Variants in ZNF814 observed in about 807,000 individuals in gnomAD.
ZNF814 encodes the protein zinc finger protein 814.
ZNF814 carries 5 observed loss-of-function variants against 7.5 expected under a neutral mutation model. The ratio of observed to expected loss-of-function variants is 0.67; its 90% confidence interval spans 0.35 to 1.40. The LOEUF is 1.40. Ranked by LOEUF, ZNF814 falls within the 40% of genes most tolerant of loss-of-function variation. The pLI, the probability that ZNF814 is intolerant of heterozygous loss-of-function variation, is 0.04. For synonymous variants in ZNF814, 315 were observed against 340.7 expected, an observed-to-expected ratio of 0.92 and a Z score of 0.83; for missense variants, 962 against 1,018.0, an observed-to-expected ratio of 0.94 and a Z score of 0.75.
the ZNF814 span, among the ~76,000 whole-genome samples, chr19:57,897,477 A>T: frequency 6.6e-6 from 1 of 152,234 alleles, no homozygotes; most frequent in Non-Finnish European, 1.5e-5. Context: ...CGGTATAAGA[A>T]AGGCAATCCC....
intron 1 of ZNF814, among the ~76,000 whole-genome samples, chr19:57,885,522 C>T (rs967740209): frequency 2.0e-5 from 3 of 150,050 alleles, no homozygotes; most frequent in African/African-American, 7.4e-5. Flanking sequence ...CCCAGCTACT[C>T]CAGAGGCTGA....
the ZNF814 span, among the ~76,000 whole-genome samples, chr19:57,897,399 T>C: frequency 6.6e-6 from 1 of 152,062 alleles, no homozygotes; most frequent in African/African-American, 2.4e-5. Flanking sequence ...AAAAAAGGAA[T>C]GTAGAAAAGG....
intron 1 of ZNF814, among the ~76,000 whole-genome samples, chr19:57,887,085 G>A (rs1308368145): frequency 6.6e-6 from 1 of 152,048 alleles, no homozygotes; most frequent in Non-Finnish European, 1.5e-5. Context: ...GCTACTGGGA[G>A]GCTGAGGCAG....
rs763544267 is a variant in ZNF814 at position 57,874,170 on chromosome 19, T to C, written c.1220A>G (p.His407Arg). Reference protein sequence around the residue: ...NHQRVHTDKKHYECGECGKSF... With the variant: ...NHQRVHTDKKRYECGECGKSF... ...TTTCCCACATTCTCCACATTCATAA[T>C]GTTTTTTGTCAGTGTGAACTCTCTG... Residue 407 changes from histidine to arginine, a missense_variant, in exon 3 of 3, where the codon CAT becomes CGT. Physicochemically the swap from His to Arg is conservative, Grantham distance 29. Coordinates refer to ENST00000435989, the MANE Select transcript of ZNF814 (RefSeq NM_001144989.2). 4 of 1,588,834 alleles carry C rather than the reference T, an allele frequency of 2.5e-6. No individual in the cohort carries two copies.
At chr19:57,877,143 G>C in intron 1 of ZNF814, 101 bp from the exon 2 acceptor site, 1 of 1,530,102 alleles carries the variant, frequency 6.5e-7, no homozygotes, top group Non-Finnish European at 8.9e-7. Context: ...TCCTCTCAAG[G>C]TCCTCAAACA....
rs2071610580 is a variant in ZNF814 at position 57,876,829 on chromosome 19, T to C, written c.163+87A>G. The stretch of plus-strand genomic sequence containing the variant: ...CTGAAGCAGGAAGCTGTGTCCATGC[T>C]CCTGACATGAGAAAGTCTTACCAAT... On this transcript the variant is annotated intron_variant, in intron 2 of 2. Coordinates refer to ENST00000435989, the MANE Select transcript of ZNF814 (RefSeq NM_001144989.2). 6.3e-6 allele frequency: 10 copies of C among 1,581,428 alleles called. No individual in the cohort carries two copies. In the African/African-American group the frequency reaches 1.1e-4, roughly 17 times the overall value.
the ZNF814 span, among the ~76,000 whole-genome samples, chr19:57,894,517 C>T: frequency 1.3e-5 from 2 of 152,062 alleles, no homozygotes; most frequent in South Asian, 2.1e-4. Context: ...CTTGATCACA[C>T]CTAGTTGGCA....
chr19:57,899,391 C>G, the ZNF814 span, among the ~76,000 whole-genome samples: 1 of 152,078 alleles, frequency 6.6e-6, no homozygotes, highest in Non-Finnish European at 1.5e-5. Flanking sequence ...TAATCATAGC[C>G]CCCCATAAAA....
Position 57,874,797 on chromosome 19 carries a change from T to G in ZNF814, c.593A>C (p.Asn198Thr), listed in dbSNP as rs1463772315. The change falls in exon 3 of 3, where the codon AAC becomes ACC. Residue 198 changes from asparagine (N) to threonine (T), a missense_variant. Asn to Thr is a moderately conservative substitution (Grantham distance 65). Around this residue, in one of 7 missense-constraint regions of ZNF814, gnomAD observed 126 missense variants for 123.5 expected, o/e 1.02. Transcript: ENST00000435989. ...QEASHTGEKS[N>T]SKTECVSPIQ... ...GGGAGACACACACTCAGTTTTGCTG[T>G]TTGACTTCTCCCCAGTGTGACTGGC... The G allele has an allele frequency of 6.2e-7, 1 of 1,614,130 alleles. No individual in the cohort carries two copies. Among genetic ancestry groups the G allele is most frequent in the Admixed American group, 1.7e-5 (1 of 59,984 alleles).
the ZNF814 span, among the ~76,000 whole-genome samples, chr19:57,895,794 G>T: frequency 6.6e-6 from 1 of 152,088 alleles, no homozygotes; most frequent in Non-Finnish European, 1.5e-5. Context: ...TTACCAGAAA[G>T]GGCGTCCCAA....
rs1406468853 is a variant in ZNF814 at position 57,874,678 on chromosome 19, T to G, written c.712A>C (p.Arg238=). ...TCACAGCACACATAACACTCTTCTC[T>G]AGTGAGCAGTCTCTGGTGCTGACTG... ...ILSQHQRLLT[R]EECYVCCECG... is the part of the protein sequence containing the mutation. Residue 238 remains arginine, a synonymous_variant, in exon 3 of 3, where the codon AGA becomes CGA. Coordinates refer to ENST00000435989, the MANE Select transcript of ZNF814 (RefSeq NM_001144989.2). The G allele has an allele frequency of 1.2e-5, 19 of 1,563,422 alleles. No individual in the cohort carries two copies. Among genetic ancestry groups the G allele is most frequent in the Non-Finnish European group, 1.3e-5 (15 of 1,152,824 alleles).
At chr19:57,892,442 A>G (rs1245643282), upstream of ZNF814, among the ~76,000 whole-genome samples, 2 of 152,252 alleles carry the variant, frequency 1.3e-5, no homozygotes, top group African/African-American at 4.8e-5. Flanking sequence ...CTTTGGTTCA[A>G]TGCCCAAATT....
the ZNF814 span, among the ~76,000 whole-genome samples, chr19:57,895,502 C>G: frequency 2.0e-5 from 3 of 151,984 alleles, no homozygotes; most frequent in Admixed American, 2.0e-4. Context: ...TCTCGAACTC[C>G]TGGTCTCAGG....
At chr19:57,883,097 A>G (rs543290267) in intron 1 of ZNF814, among the ~76,000 whole-genome samples, 215 of 151,620 alleles carry the variant, frequency 1.4e-3, no homozygotes, top group Middle Eastern at 3.4e-3. Context: ...GGTGGCTCAC[A>G]CCTGTAATCC....
the ZNF814 span, among the ~76,000 whole-genome samples, chr19:57,901,930 T>C: frequency 2.6e-5 from 4 of 152,098 alleles, no homozygotes; most frequent in Admixed American, 1.3e-4. Context: ...CCTGAGCCCA[T>C]AGATAACAGA....
chr19:57,884,395 T>C (rs2071672765), intron 1 of ZNF814, among the ~76,000 whole-genome samples: 1 of 152,128 alleles, frequency 6.6e-6, no homozygotes, highest in Admixed American at 6.6e-5. Context: ...GAAAGACCAC[T>C]TGAGCCTAGG....
At chr19:57,902,553 G>A in the ZNF814 span, among the ~76,000 whole-genome samples, 428 of 149,768 alleles carry the variant, frequency 2.9e-3, 3 homozygotes, top group African/African-American at 9.9e-3. Flanking sequence ...TAAGTATAAA[G>A]GGGAGGGAGG....
intron 2 of ZNF814, among the ~76,000 whole-genome samples, chr19:57,875,487 G>A (rs1428722031): frequency 6.6e-6 from 1 of 152,206 alleles, no homozygotes; most frequent in Non-Finnish European, 1.5e-5. Flanking sequence ...CCCTGCATCT[G>A]CAAACCACTC....
At chr19:57,903,802 C>T in the ZNF814 span, among the ~76,000 whole-genome samples, 2 of 152,180 alleles carry the variant, frequency 1.3e-5, no homozygotes, top group South Asian at 2.1e-4. Flanking sequence ...AAAGCCGCTG[C>T]CAAGAACAAG....
Sources: gnomAD v4.1 joint callset for allele counts (sites outside exome capture counted in the v4.1 genomes callset) on GRCh38, gnomAD v4.1.1 for gene constraint, gnomAD v4.1.1 regional missense constraint, MANE v1.5 for transcripts, NCBI Gene and HGNC (gene_info 2026-07-23, HGNC 2026-07-21) for gene names.